LYZL2: variants seen among roughly 807,000 people sequenced by gnomAD.
LYZL2 encodes lysozyme like 2, also known as lysozyme-like protein 2.
In LYZL2, 13 loss-of-function variants were observed where a neutral mutation model predicts 17.1. That is an observed-to-expected ratio of 0.76 (90% CI 0.49 to 1.21). The LOEUF is 1.21. Ranked by LOEUF, LYZL2 falls within the 50% of genes most tolerant of loss-of-function variation. The probability of loss-of-function intolerance (pLI) is 0.00; values close to 1 mark genes in which losing one functional copy is unlikely to be tolerated. For synonymous variants in LYZL2, 63 were observed against 74.4 expected, an observed-to-expected ratio of 0.85 and a Z score of 0.79; for missense variants, 166 against 189.2, an observed-to-expected ratio of 0.88 and a Z score of 0.72.
Position 30,626,239 on chromosome 10 carries a change from C to T in LYZL2, c.164G>A (p.Ser55Asn), listed in dbSNP as rs779115399. Reference sequence around the variant, plus strand: ...CGTCTGGGCTGTGGTGTTGTAGCCGCTCTCATAATACGCCATGCAGATCCC... The same window carrying T: ...CGTCTGGGCTGTGGTGTTGTAGCCGTTCTCATAATACGCCATGCAGATCCC... ...GNWICMAYYE[S>N]GYNTTAQTVL... is the part of the protein sequence containing the mutation. The change falls in exon 3 of 5, where the codon AGC (serine) becomes AAC (asparagine). Residue 55 changes from serine to asparagine, a missense_variant. Physicochemically the swap from Ser to Asn is conservative, Grantham distance 46. Around this residue, in one of 2 missense-constraint regions of LYZL2, gnomAD observed 134 missense variants for 129.4 expected, o/e 1.04. Coordinates refer to ENST00000647634, the MANE Select transcript of LYZL2 (RefSeq NM_183058.3). 1 of 1,614,236 alleles carries T rather than the reference C, an allele frequency of 6.2e-7. No homozygotes were observed. Among genetic ancestry groups the T allele is most frequent in the South Asian group, 1.1e-5 (1 of 91,080 alleles).
chr10:30,615,622 C>T (rs961671492), intron 3 of LYZL2, among the ~76,000 whole-genome samples: 4 of 151,622 alleles, frequency 2.6e-5, no homozygotes, highest in Non-Finnish European at 5.9e-5. Flanking sequence ...TGATCATTTC[C>T]CAATGTATAA....
intron 3 of LYZL2, among the ~76,000 whole-genome samples, chr10:30,622,654 C>A (rs902179575): frequency 6.6e-6 from 1 of 152,196 alleles, no homozygotes; most frequent in Non-Finnish European, 1.5e-5. Context: ...GGCCAATCTC[C>A]CGTTTCTGTA....
At position 30,616,078 on chromosome 10, in the gene LYZL2, T is replaced by A. The variant is rs181766452; in HGVS notation, c.299-3178A>T. 3.9e-5 allele frequency among the ~76,000 whole-genome samples: 6 copies of A among 152,392 alleles called. No homozygotes were observed. In the East Asian group the frequency reaches 9.6e-4, roughly 24 times the overall value. On this transcript the variant is annotated intron_variant, in intron 3 of 4. Coordinates refer to ENST00000647634, the MANE Select transcript of LYZL2 (RefSeq NM_183058.3). Reference sequence around the variant, plus strand: ...AAAATGTTGCATTTCAATAAGGCATTGTAATTCCAAATTATTTTGTTAACT... The same window carrying A: ...AAAATGTTGCATTTCAATAAGGCATAGTAATTCCAAATTATTTTGTTAACT...
chr10:30,617,099 C>T (rs543226217), intron 3 of LYZL2, among the ~76,000 whole-genome samples: 4 of 152,000 alleles, frequency 2.6e-5, no homozygotes, highest in African/African-American at 9.7e-5. Context: ...GGGGCTGTCT[C>T]TAGGGGTTGG....
At chr10:30,622,574 GA>G (rs1268938994) in intron 3 of LYZL2, among the ~76,000 whole-genome samples, 1 of 144,128 alleles carries the variant, frequency 6.9e-6, no homozygotes, top group Admixed American at 6.9e-5. Flanking sequence ...GAAAAAAAAA[GA>G]AAAAGAAAAA....
At chr10:30,624,838 A>AAGCAGAG (rs1190724997) in intron 3 of LYZL2, among the ~76,000 whole-genome samples, 22 of 152,146 alleles carry the variant, frequency 1.4e-4, no homozygotes, top group African/African-American at 5.3e-4. Context: ...GAGTCCTTAG[A>AAGCAGAG]AGCAGAGAAT....
At chr10:30,629,453 G>T in intron 1 of LYZL2, 140 bp downstream of exon 1, 1 of 735,178 alleles carries the variant, frequency 1.4e-6, no homozygotes, top group Non-Finnish European at 2.1e-6. Flanking sequence ...CTCTGCCTTA[G>T]AATGTTAACT....
chr10:30,612,948 G>A (rs373054919), intron 3 of LYZL2, 48 bp from the exon 4 acceptor site: 12 of 1,445,148 alleles, frequency 8.3e-6, no homozygotes, highest in African/African-American at 1.4e-5. Flanking sequence ...TGTTGTTGGA[G>A]AGGGACCCCA....
intron 3 of LYZL2, among the ~76,000 whole-genome samples, chr10:30,615,521 TTCTCTC>T (rs146438047): frequency 6.7e-6 from 1 of 149,218 alleles, no homozygotes; most frequent in African/African-American, 2.4e-5. Context: ...TTAAGTGTTC[TTCTCTC>T]TCTCTCTCTC....
chr10:30,620,803 C>A (rs551399817), intron 3 of LYZL2, among the ~76,000 whole-genome samples: 2 of 150,818 alleles, frequency 1.3e-5, no homozygotes, highest in Non-Finnish European at 1.5e-5. Flanking sequence ...AATTATGATG[C>A]CAAATAAAAA....
downstream of LYZL2, chr10:30,611,706 GAAAGAAAGAAAGAAAGA>G: frequency 1.3e-5 from 4 of 316,520 alleles, no homozygotes; most frequent in Non-Finnish European, 2.0e-5. Flanking sequence ...GAAAGAAAAA[GAAAGAAAGAAAGAAAGA>G]AAAGAAAAGA....
At chr10:30,615,160 T>A (rs1462307553) in intron 3 of LYZL2, among the ~76,000 whole-genome samples, 2 of 152,146 alleles carry the variant, frequency 1.3e-5, no homozygotes, top group Non-Finnish European at 2.9e-5. Context: ...GACAGGTGAA[T>A]GGATAAAAAT....
intron 3 of LYZL2, among the ~76,000 whole-genome samples, chr10:30,622,141 G>A (rs1255276729): frequency 6.6e-6 from 1 of 152,032 alleles, no homozygotes; most frequent in African/African-American, 2.4e-5. Context: ...ACCAATGGAG[G>A]AAATAAAAGA....
At chr10:30,620,660 G>A (rs911325285) in intron 3 of LYZL2, among the ~76,000 whole-genome samples, 1 of 152,092 alleles carries the variant, frequency 6.6e-6, no homozygotes, top group Admixed American at 6.5e-5. Context: ...GAAAAAGATC[G>A]GTCAAGGGCA....
downstream of LYZL2, among the ~76,000 whole-genome samples, chr10:30,607,419 T>C (rs1838390010): frequency 6.6e-6 from 1 of 152,022 alleles, no homozygotes; most frequent in South Asian, 2.1e-4. Flanking sequence ...ACGGATTCTT[T>C]ACCTCTCTCC....
chr10:30,618,205 G>A (rs1385083278), intron 3 of LYZL2, among the ~76,000 whole-genome samples: 2 of 152,192 alleles, frequency 1.3e-5, no homozygotes, highest in African/African-American at 4.8e-5. Flanking sequence ...AACATTCCAT[G>A]TTCATGGGTA....
intron 3 of LYZL2, among the ~76,000 whole-genome samples, chr10:30,625,125 C>T (rs528117406): frequency 1.3e-5 from 2 of 152,240 alleles, no homozygotes; most frequent in East Asian, 3.9e-4. Flanking sequence ...GAAAGGAAAA[C>T]AGGCCTGTGA....
downstream of LYZL2, among the ~76,000 whole-genome samples, chr10:30,608,109 A>G (rs977041777): frequency 2.0e-5 from 3 of 152,118 alleles, no homozygotes; most frequent in African/African-American, 7.2e-5. Flanking sequence ...CACTTGGCTA[A>G]TTTTAAAACT....
chr10:30,606,532 A>G, the LYZL2 span, among the ~76,000 whole-genome samples: 2 of 152,194 alleles, frequency 1.3e-5, no homozygotes, highest in African/African-American at 2.4e-5. Context: ...TTAGTCACCA[A>G]CGCTTTTTAA....
Sources: allele counts gnomAD v4.1 joint callset (sites outside exome capture counted in the v4.1 genomes callset), GRCh38; gene constraint gnomAD v4.1.1; regional missense constraint gnomAD v4.1.1; transcripts MANE v1.5; gene names NCBI Gene and HGNC (gene_info 2026-07-23, HGNC 2026-07-21).